PDCD2: variants seen among roughly 807,000 people sequenced by gnomAD.
PDCD2 encodes the protein uS5 assembly chaperone PDCD2.
Under a neutral mutation model 38.1 loss-of-function variants are expected in PDCD2, and 38 were observed. That is an observed-to-expected ratio of 1.00 (90% CI 0.77 to 1.31). The LOEUF is 1.31. Among genes scored for constraint, PDCD2 ranks in the 50% most tolerant of loss-of-function variants. The pLI is 0.00. For missense variants in PDCD2, 473 were observed against 435.7 expected, an observed-to-expected ratio of 1.09 and a Z score of -0.76; for synonymous variants, 205 against 168.9, an observed-to-expected ratio of 1.21 and a Z score of -1.66.
At chr6:170,578,479 T>TGA in intron 5 of PDCD2, 2 of 610,672 alleles carry the variant, frequency 3.3e-6, no homozygotes, top group Non-Finnish European at 5.8e-6. Context: ...AAGACTCCTC[T>TGA]CATAAAGTAT....
In PDCD2 at chr6:170,581,452, G is replaced by A. The variant is rs576970714; in HGVS notation, c.659-1347C>T. ...TGGATGTTCAAACTGTCCATCTTTTGCAAGCAGGAGCCTTTTCATGTTGCT... is the reference window on the plus strand; with the variant it reads ...TGGATGTTCAAACTGTCCATCTTTTACAAGCAGGAGCCTTTTCATGTTGCT... On this transcript the variant is annotated intron_variant, in intron 3 of 5. Transcript: ENST00000541970. 5.3e-5 allele frequency: 8 copies of A among 152,164 alleles called. No homozygotes were observed. The South Asian group carries it at 1.4e-3, about 28-fold the overall frequency. The allele number at this position is 152,164 out of a possible 1,614,324, so 9.4% of individuals were successfully genotyped here. A position where few individuals can be genotyped will look rare whatever the true frequency, so the allele number is the denominator to read the frequency against.
At chr6:170,582,781 A>G in intron 3 of PDCD2, 1 of 1,288,740 alleles carries the variant, frequency 7.8e-7, no homozygotes. Flanking sequence ...TCTGCGACCC[A>G]GAGGAACTTA....
intron 1 of PDCD2, 117 bp downstream of exon 1, chr6:170,584,182 G>C: frequency 8.9e-7 from 1 of 1,124,914 alleles, no homozygotes; most frequent in Non-Finnish European, 1.2e-6. Context: ...CGCGGAGAGG[G>C]AGCTCTGAGG....
Position 170,576,054 on chromosome 6 carries a change from T to C in PDCD2, c.*1505A>G, listed in dbSNP as rs753774949. 2 of 152,230 alleles carry C rather than the reference T, an allele frequency of 1.3e-5. No individual in the cohort carries two copies. The highest frequency in any genetic ancestry group is 2.4e-5 in the African/African-American group (1 of 41,460). The allele number at this position is 152,230 out of a possible 1,614,324, so 9.4% of individuals were successfully genotyped here. A position where few individuals can be genotyped will look rare whatever the true frequency, so the allele number is the denominator to read the frequency against. The stretch of plus-strand genomic sequence containing the variant: ...GCGACCAGCTCTTGTCACTAGTTGA[T>C]GACAACTTACTCCAGTAGCCACAGG... On this transcript the variant is annotated 3_prime_UTR_variant, in exon 6 of 6. Transcript: ENST00000541970.
intron 4 of PDCD2, 83 bp downstream of exon 4, chr6:170,579,919 A>G: frequency 1.3e-6 from 1 of 775,262 alleles, no homozygotes; most frequent in Non-Finnish European, 2.3e-6. Flanking sequence ...GACTAATGTT[A>G]CTATGAAGTT....
At chr6:170,581,788 T>C (rs1779607022) in intron 3 of PDCD2, 1 of 189,684 alleles carries the variant, frequency 5.3e-6, no homozygotes, top group Non-Finnish European at 1.1e-5. Context: ...ACTGTTACAT[T>C]CTTTTCATTC....
intron 1 of PDCD2, 110 bp from the exon 2 acceptor site, chr6:170,583,857 T>A: frequency 2.2e-6 from 2 of 911,512 alleles, no homozygotes; most frequent in Non-Finnish European, 3.2e-6. Flanking sequence ...GAAATGAAAG[T>A]TTTTGCTTTC....
intron 3 of PDCD2, chr6:170,582,589 A>G (rs1779644940): frequency 1.6e-6 from 2 of 1,287,390 alleles, no homozygotes; most frequent in Non-Finnish European, 2.0e-6. Context: ...GTTGGCTACT[A>G]TAATAAAATA....
rs975008148 is a variant in PDCD2 at position 170,582,032 on chromosome 6, G to A, written c.658+1025C>T. 3.8e-6 allele frequency: 5 copies of A among 1,328,818 alleles called. No individual in the cohort carries two copies. In the Admixed American group the frequency reaches 1.3e-4, roughly 33 times the overall value. 82.3% of individuals were successfully genotyped at this position (1,328,818 alleles called of 1,614,324 possible). The stretch of plus-strand genomic sequence containing the variant: ...TTCATCCTTGATCCTGCTACTCTAG[G>A]CTCTCCTTTCTCCTAAAGATAAGCA... On this transcript the variant is annotated intron_variant, in intron 3 of 5. Transcript: ENST00000541970.
rs913192182 is a variant in PDCD2 at position 170,575,974 on chromosome 6, T to C, written c.*1585A>G. Reference sequence around the variant, plus strand: ...AAGGAATAATACATAATTTTAGATATAAAGGCCCCACTAGTCCAGGTTTCC... The same window carrying C: ...AAGGAATAATACATAATTTTAGATACAAAGGCCCCACTAGTCCAGGTTTCC... On this transcript the variant is annotated 3_prime_UTR_variant, in exon 6 of 6. Coordinates refer to ENST00000541970, the MANE Select transcript of PDCD2 (RefSeq NM_002598.4). 3.3e-5 allele frequency: 5 copies of C among 152,208 alleles called. No individual in the cohort carries two copies. The highest frequency in any genetic ancestry group is 1.2e-4 in the African/African-American group (5 of 41,448). The allele number at this position is 152,208 out of a possible 1,614,324, so 9.4% of individuals were successfully genotyped here.
At position 170,584,345 on chromosome 6, in the gene PDCD2, G is replaced by T; in HGVS notation, c.237C>A (p.Ile79=). The change falls in exon 1 of 6, where the codon ATC becomes ATA. Residue 79 remains isoleucine, a synonymous_variant. Transcript: ENST00000541970. ...PGRPDAFHRC[I]FLFCCREQPC... is the part of the protein sequence containing the mutation. ...GCTGCTCGCGGCAGCAGAAGAGGAA[G>T]ATGCAGCGGTGGAAGGCGTCCGGGC... 6.7e-7 allele frequency: 1 copy of T among 1,500,490 alleles called. No individual in the cohort carries two copies. 92.9% of individuals were successfully genotyped at this position (1,500,490 alleles called of 1,614,324 possible).
At position 170,577,616 on chromosome 6, in the gene PDCD2, C is replaced by T. The variant is rs2115008989; in HGVS notation, c.978G>A (p.Leu326=). The T allele has an allele frequency of 3.7e-6, 6 of 1,614,092 alleles. No individual in the cohort carries two copies. The highest frequency in any genetic ancestry group is 5.1e-6 in the Non-Finnish European group (6 of 1,180,008). ...CAAATTCTTCTGTATAGCCAGTACC[C>T]AAGCTGCAGCTCTCAGCACAGGTGA... ...AVFTCAESCS[L]GTGYTEEFVW... Residue 326 remains leucine, a synonymous_variant, in exon 6 of 6, where the codon TTG becomes TTA. Coordinates refer to ENST00000541970, the MANE Select transcript of PDCD2 (RefSeq NM_002598.4).
intron 5 of PDCD2, 106 bp from the exon 6 acceptor site, chr6:170,577,823 TAC>T: frequency 1.1e-5 from 11 of 988,282 alleles, no homozygotes; most frequent in Non-Finnish European, 1.7e-5. Flanking sequence ...ATCCTCATAC[TAC>T]AAAGCAGGAT....
At position 170,576,234 on chromosome 6, in the gene PDCD2, A is replaced by C. The variant is rs1020822464; in HGVS notation, c.*1325T>G. 1 of 152,244 alleles carries C rather than the reference A, an allele frequency of 6.6e-6. No homozygotes were observed. The highest frequency in any genetic ancestry group is 2.4e-5 in the African/African-American group (1 of 41,458). 9.4% of individuals were successfully genotyped at this position (152,244 alleles called of 1,614,324 possible). ...GGTGCTATGTATAACTATCTTATACAATTAATACAAATTGCATATGTATAC... is the reference window on the plus strand; with the variant it reads ...GGTGCTATGTATAACTATCTTATACCATTAATACAAATTGCATATGTATAC... On this transcript the variant is annotated 3_prime_UTR_variant, in exon 6 of 6. Coordinates refer to ENST00000541970, the MANE Select transcript of PDCD2 (RefSeq NM_002598.4).
intron 3 of PDCD2, chr6:170,581,955 A>T (rs12189695): frequency 0.042 from 23,223 of 550,952 alleles, 628 homozygotes; most frequent in Middle Eastern, 0.094. Flanking sequence ...TAAAATACTC[A>T]TACAGTTCCA....
Position 170,584,539 on chromosome 6 carries a change from C to T in PDCD2, c.43G>A (p.Glu15Lys). Reference protein sequence around the residue: ...GARPVELGFAESAPAWRLRSE... With the variant: ...GARPVELGFAKSAPAWRLRSE... ...CGCAGTCGCCACGCCGGCGCCGACT[C>T]GGCGAAGCCCAGCTCCACAGGCCTG... is the stretch of plus-strand genomic sequence containing the variant. Residue 15 changes from glutamate (E) to lysine (K), a missense_variant, in exon 1 of 6, where the codon GAG (glutamate) becomes AAG (lysine). By Grantham distance (56) the Glu-to-Lys change is moderately conservative. Coordinates refer to ENST00000541970, the MANE Select transcript of PDCD2 (RefSeq NM_002598.4). 7.3e-7 allele frequency: 1 copy of T among 1,361,412 alleles called. No individual in the cohort carries two copies. Among genetic ancestry groups the T allele is most frequent in the South Asian group, 1.8e-5 (1 of 56,922 alleles). 84.3% of individuals were successfully genotyped at this position (1,361,412 alleles called of 1,614,324 possible). A position where few individuals can be genotyped will look rare whatever the true frequency, so the allele number is the denominator to read the frequency against.
In PDCD2 at chr6:170,583,747, A is replaced by T. The variant is rs148653243; in HGVS notation, c.284T>A (p.Val95Asp). The T allele has an allele frequency of 4.7e-5, 76 of 1,604,540 alleles. No individual in the cohort carries two copies. The highest frequency in any genetic ancestry group is 6.1e-5 in the Non-Finnish European group (71 of 1,173,244). The change falls in exon 2 of 6, where the codon GTT (valine) becomes GAT (aspartate). Residue 95 changes from valine to aspartate, a missense_variant and splice_region_variant. Physicochemically the swap from Val to Asp is radical, Grantham distance 152 (BLOSUM62 -3). Coordinates refer to ENST00000541970, the MANE Select transcript of PDCD2 (RefSeq NM_002598.4). ...REQPCCAGLR[V>D]FRNQLPRKND... is the part of the protein sequence containing the mutation. ...TTTCCTGGGTAGTTGATTCCTAAAAACTAAAAAAGAATACAGAGAAAAGTT... is the reference window on the plus strand; with the variant it reads ...TTTCCTGGGTAGTTGATTCCTAAAATCTAAAAAAGAATACAGAGAAAAGTT...
At position 170,583,600 on chromosome 6, in the gene PDCD2, T is replaced by C. The variant is rs1562370339; in HGVS notation, c.431A>G (p.Lys144Arg). ...TGCTTTGTGGCATCTGGAGCACGTTTTGGGGCCTAAACAGCCACAAACCCT... is the reference window on the plus strand; with the variant it reads ...TGCTTTGTGGCATCTGGAGCACGTTCTGGGGCCTAAACAGCCACAAACCCT... The part of the protein sequence containing the change: ...LCRVCGCLGP[K>R]TCSRCHKAYY... Residue 144 changes from lysine (K) to arginine (R), a missense_variant, in exon 2 of 6, where the codon AAA (lysine) becomes AGA (arginine). Lys to Arg is a conservative substitution (Grantham distance 26, BLOSUM62 2). Coordinates refer to ENST00000541970, the MANE Select transcript of PDCD2 (RefSeq NM_002598.4). 2 of 1,613,990 alleles carry C rather than the reference T, an allele frequency of 1.2e-6. No individual in the cohort carries two copies. The highest frequency in any genetic ancestry group is 1.7e-6 in the Non-Finnish European group (2 of 1,179,892).
chr6:170,580,251 C>T (rs1779557034), intron 3 of PDCD2, 146 bp from the exon 4 acceptor site: 1 of 611,486 alleles, frequency 1.6e-6, no homozygotes. Context: ...TTTCCAGGTA[C>T]TCCATCCAAC....
Sources: allele counts gnomAD v4.1 joint callset, GRCh38; gene constraint gnomAD v4.1.1; transcripts MANE v1.5; gene names NCBI Gene and HGNC (gene_info 2026-07-23, HGNC 2026-07-21).